The following MCF2L variants were observed in gnomAD, a reference collection of about 807,000 sequenced individuals.
MCF2L encodes the protein MCF.2 cell line derived transforming sequence like, also known as guanine nucleotide exchange factor DBS.
Under a neutral mutation model 153.4 loss-of-function variants are expected in MCF2L, and 97 were observed. That is an observed-to-expected ratio of 0.63 (90% confidence interval 0.54 to 0.75). The LOEUF is 0.75. Among genes scored for constraint, MCF2L ranks in the 30% least tolerant of loss-of-function variants. The pLI is 0.00. For synonymous variants in MCF2L, 659 were observed against 632.2 expected, an observed-to-expected ratio of 1.04 and a Z score of -0.64; for missense variants, 1,347 against 1,495.2, an observed-to-expected ratio of 0.90 and a Z score of 1.64.
intron 3 of MCF2L, chr13:113,042,262 C>T (rs1483989489): frequency 1.3e-5 from 2 of 152,238 alleles, no homozygotes; most frequent in South Asian, 2.1e-4. Context: ...GCCCAGGACC[C>T]ACACCTTCTG....
intron 1 of MCF2L, among the ~76,000 whole-genome samples, chr13:112,995,640 G>C (rs965511022): frequency 1.3e-5 from 2 of 152,344 alleles, no homozygotes; most frequent in Non-Finnish European, 2.9e-5. Flanking sequence ...GTGTGGGACC[G>C]TGCGGGATGC....
At chr13:112,980,315 G>A (rs2082363375) in intron 1 of MCF2L, among the ~76,000 whole-genome samples, 1 of 152,264 alleles carries the variant, frequency 6.6e-6, no homozygotes, top group Admixed American at 6.5e-5. Flanking sequence ...GGCTTGAGGG[G>A]GAGAAAGGAG....
rs143147194 is a variant in MCF2L, at chr13:113,067,166, C to T, written c.881+996C>T. Among the ~76,000 whole-genome samples, 1,019 of 152,380 alleles carry T rather than the reference C, an allele frequency of 6.7e-3. 13 individuals are homozygous for T. The highest frequency in any genetic ancestry group is 0.023 in the African/African-American group (967 of 41,578). On this transcript the variant is annotated intron_variant, in intron 8 of 29. Coordinates refer to ENST00000535094, the MANE Select transcript of MCF2L (RefSeq NM_001112732.3). ...CCGTGCACACGCCTGGCAGGGTGGG[C>T]GTGGGGCTGACTGGGTGGTGCACAG... is the stretch of plus-strand genomic sequence containing the variant.
At chr13:113,047,839 G>GACGCC (rs2086915613) in intron 4 of MCF2L, among the ~76,000 whole-genome samples, 1 of 85,810 alleles carries the variant, frequency 1.2e-5, no homozygotes, top group African/African-American at 4.7e-5. Flanking sequence ...CGCGTGCCCT[G>GACGCC]TCCCCTCTGC....
At chr13:113,017,911 T>C (rs2993298) in intron 2 of MCF2L, among the ~76,000 whole-genome samples, 100,626 of 152,140 alleles carry the variant, frequency 0.66, 33,522 homozygotes, top group East Asian at 0.85. Context: ...CAGGAAGGAA[T>C]GGCTCCGAAT....
At chr13:113,023,894 G>A (rs114200609) in intron 2 of MCF2L, among the ~76,000 whole-genome samples, 1,809 of 152,332 alleles carry the variant, frequency 0.012, 41 homozygotes, top group African/African-American at 0.041. Context: ...ATGCAGGGTC[G>A]TGGGACCACC....
intron 23 of MCF2L, 28 bp downstream of exon 23, chr13:113,087,827 C>G: frequency 6.3e-7 from 1 of 1,578,550 alleles, no homozygotes; most frequent in Non-Finnish European, 8.7e-7. Context: ...CCCCTGGCCT[C>G]TTACACATTG....
At position 113,045,514 on chromosome 13, in the gene MCF2L, C is replaced by G. The variant is rs2086758549; in HGVS notation, c.369+153C>G. The G allele has an allele frequency of 7.5e-6, 5 of 670,628 alleles. No individual in the cohort carries two copies. Among genetic ancestry groups the G allele is most frequent in the Non-Finnish European group, 2.6e-6 (1 of 384,034 alleles). 41.5% of individuals were successfully genotyped at this position (670,628 alleles called of 1,614,324 possible). On this transcript the variant is annotated intron_variant, in intron 4 of 29. Coordinates refer to ENST00000535094, the MANE Select transcript of MCF2L (RefSeq NM_001112732.3). This position sits in a 1 kb window ranked among gnomAD's most constrained non-coding sequence, Gnocchi z 4.2. ...GGGTGGAGGCCGGCGCCAAGGCCCC[C>G]CCTGCTTGGGCTCCCAAGGCACTGG...
chr13:112,956,427 T>G (rs2081758197), intron 2 of MCF2L: 1 of 152,252 alleles, frequency 6.6e-6, no homozygotes, highest in South Asian at 2.1e-4. Context: ...GTTAATGACA[T>G]TCTGAAACCT....
chr13:112,927,722 T>G (rs2081422196), intron 2 of MCF2L, among the ~76,000 whole-genome samples: 1 of 152,090 alleles, frequency 6.6e-6, no homozygotes, highest in South Asian at 2.1e-4. Context: ...CACCTAGATG[T>G]AACTGTCAAT....
At chr13:112,955,538 C>G (rs2140729267) in intron 2 of MCF2L, among the ~76,000 whole-genome samples, 1 of 152,300 alleles carries the variant, frequency 6.6e-6, no homozygotes, top group East Asian at 1.9e-4. Context: ...AAGGTGGGGA[C>G]TTTGTGACCC....
At chr13:112,919,737 T>G (rs942398571) in intron 2 of MCF2L, among the ~76,000 whole-genome samples, 10 of 152,214 alleles carry the variant, frequency 6.6e-5, no homozygotes, top group Non-Finnish European at 1.3e-4. Context: ...CTAGACAGAT[T>G]TTTTTAGTTA....
intron 2 of MCF2L, among the ~76,000 whole-genome samples, chr13:112,936,524 G>A (rs1014377647): frequency 6.6e-6 from 1 of 152,138 alleles, no homozygotes; most frequent in African/African-American, 2.4e-5. Context: ...GGTGTTTTTG[G>A]GGAAGAAGAG....
chr13:113,077,132 G>C lies in MCF2L; in HGVS notation c.1581G>C (p.Leu527=). The C allele has an allele frequency of 1.2e-6, 2 of 1,612,670 alleles. No homozygotes were observed. The highest frequency in any genetic ancestry group is 1.7e-4 in the Middle Eastern group (1 of 6,060). ...GCAGGCAGGCCAGCCTGAAGAAGCT[G>C]GCGGCCAGGCAGACGCGGCCCGTGC... is the stretch of plus-strand genomic sequence containing the variant. ...FHRRQASLKK[L]AARQTRPVQP... The change falls in exon 13 of 30, where the codon CTG becomes CTC. Residue 527 remains leucine, a synonymous_variant. Coordinates refer to ENST00000535094, the MANE Select transcript of MCF2L (RefSeq NM_001112732.3).
intron 1 of MCF2L, chr13:113,008,720 GC>G (rs2083874484): frequency 6.6e-6 from 1 of 152,196 alleles, no homozygotes; most frequent in South Asian, 2.1e-4. Context: ...TGGAAGATTG[GC>G]CTCTCCTCTG....
chr13:113,006,948 GCAGC>G (rs1215390724), intron 1 of MCF2L, among the ~76,000 whole-genome samples: 2 of 152,188 alleles, frequency 1.3e-5, no homozygotes, highest in African/African-American at 4.8e-5. Context: ...GGCAAAGCCG[GCAGC>G]CAGCCCGGCC....
chr13:112,930,555 C>A (rs978490944), intron 2 of MCF2L, among the ~76,000 whole-genome samples: 6 of 152,150 alleles, frequency 3.9e-5, no homozygotes, highest in Non-Finnish European at 8.8e-5. Flanking sequence ...AGGTGGAGCT[C>A]TGGGGATTTT....
rs1464222403 is a variant in MCF2L, at chr13:113,087,371, A to C, written c.2510A>C (p.Lys837Thr). ...PMQRHLFLHE[K>T]AVLFCKKREE... The stretch of plus-strand genomic sequence containing the variant: ...CAGCGGCACCTGTTCCTGCACGAGA[A>C]GGCAGTGCTCTTCTGCAAGAAGAGG... Residue 837 changes from lysine (K) to threonine (T), a missense_variant, in exon 22 of 30, where the codon AAG becomes ACG. Transcript: ENST00000535094. The C allele has an allele frequency of 6.2e-7, 1 of 1,613,466 alleles. No homozygotes were observed. The highest frequency in any genetic ancestry group is 8.5e-7 in the Non-Finnish European group (1 of 1,180,022).
rs537489967 is a variant in MCF2L, at chr13:113,045,828, C to T, written c.369+467C>T. 3.3e-5 allele frequency: 6 copies of T among 183,736 alleles called. No homozygotes were observed. Among genetic ancestry groups the T allele is most frequent in the East Asian group, 1.3e-4 (1 of 7,884 alleles). The allele number at this position is 183,736 out of a possible 1,614,324, so 11.4% of individuals were successfully genotyped here. A position where few individuals can be genotyped will look rare whatever the true frequency, so the allele number is the denominator to read the frequency against. The stretch of plus-strand genomic sequence containing the variant: ...GCACAACAGTCCTGACCAGGCAGGA[C>T]GGGGGCTGTGTGCAGAGACGCTCCA... On this transcript the variant is annotated intron_variant, in intron 4 of 29. Coordinates refer to ENST00000535094, the MANE Select transcript of MCF2L (RefSeq NM_001112732.3). The surrounding 1 kb of genome is among the most constrained non-coding windows in gnomAD (Gnocchi z 4.2).
Sources: allele counts gnomAD v4.1 joint callset (sites outside exome capture counted in the v4.1 genomes callset), GRCh38; gene constraint gnomAD v4.1.1; non-coding constraint Gnocchi (gnomAD v3.1); transcripts MANE v1.5; gene names NCBI Gene and HGNC (gene_info 2026-07-23, HGNC 2026-07-21).